Variants in CACNA1F observed in about 807,000 individuals in gnomAD.
The protein encoded by CACNA1F is voltage-dependent L-type calcium channel subunit alpha-1F.
CACNA1F carries 59 observed loss-of-function variants against 143.8 expected under a neutral mutation model. That is an observed-to-expected ratio of 0.41 (90% CI 0.33 to 0.51). CACNA1F has a LOEUF of 0.51. Among genes scored for constraint, CACNA1F ranks in the 20% least tolerant of loss-of-function variants. The pLI is 0.22. For synonymous variants in CACNA1F, 643 were observed against 649.1 expected, an observed-to-expected ratio of 0.99 and a Z score of 0.14; for missense variants, 1,411 against 1,647.5, an observed-to-expected ratio of 0.86 and a Z score of 2.48.
chrX:49,220,928 G>A (rs1602642854), intron 18 of CACNA1F, 107 bp downstream of exon 18: 1 of 697,208 alleles, frequency 1.4e-6, no homozygotes, highest in Non-Finnish European at 2.3e-6. Context: ...GACAGAGTGA[G>A]ACTCTATCTC....
chrX:49,207,835 T>C (rs185670153), intron 43 of CACNA1F, among the ~76,000 whole-genome samples: 1 of 110,346 alleles, frequency 9.1e-6, no homozygotes, highest in African/African-American at 3.3e-5. Context: ...ATCCTTTCTT[T>C]ATCCCTGTGA....
In CACNA1F at chrX:49,210,002, G is replaced by T; in HGVS notation, c.4629C>A (p.Ile1543=). The T allele has an allele frequency of 8.3e-7, 1 of 1,210,499 alleles. No homozygotes were observed. Among genetic ancestry groups the T allele is most frequent in the Non-Finnish European group, 1.1e-6 (1 of 894,264 alleles). ...GTTTCATCCGCTTCCAGATCTTTTT[G>T]ATGACAATCCGCAGCTCCTGGTTGG... The part of the protein sequence containing the change: ...EQANQELRIV[I]KKIWKRMKQK... Residue 1543 remains isoleucine, a synonymous_variant, in exon 40 of 48, where the codon ATC becomes ATA. Transcript: ENST00000323022.
chrX:49,208,541 C>T lies in CACNA1F; in HGVS notation c.5097G>A (p.Val1699=). The change falls in exon 43 of 48, where the codon GTG becomes GTA. Residue 1699 remains valine, a synonymous_variant. Coordinates refer to ENST00000323022, the MANE Select transcript of CACNA1F (RefSeq NM_001256789.3). Reference sequence around the variant, plus strand: ...TGTGGGTGTTGGATCCAGCCTGGGGCACACTGGGCTGACTGGAGGTGGGAG... The same window carrying T: ...TGTGGGTGTTGGATCCAGCCTGGGGTACACTGGGCTGACTGGAGGTGGGAG... ...RGTPTSSQPS[V]PQAGSNTHRR... The T allele has an allele frequency of 8.3e-7, 1 of 1,209,178 alleles. No individual in the cohort carries two copies. Among genetic ancestry groups the T allele is most frequent in the South Asian group, 1.8e-5 (1 of 56,645 alleles).
intron 37 of CACNA1F, 127 bp from the exon 38 acceptor site, chrX:49,210,813 C>A (rs1015339259): frequency 1.8e-4 from 149 of 841,442 alleles, no homozygotes; most frequent in Non-Finnish European, 2.5e-4. Context: ...AACTGGAGGG[C>A]AGTCAGAGAG....
Position 49,210,581 on chromosome X carries a change from T to G in CACNA1F, c.4485+9A>C. ...TCTCAGGAGCCTGGGGGTGGGCAGG[T>G]GCACAGACCTTGCAGGCCACTCGGT... is the stretch of plus-strand genomic sequence containing the variant. On this transcript the variant is annotated intron_variant, in intron 38 of 47. Transcript: ENST00000323022. 1 of 1,199,264 alleles carries G rather than the reference T, an allele frequency of 8.3e-7. No homozygotes were observed. The highest frequency in any genetic ancestry group is 1.1e-6 in the Non-Finnish European group (1 of 884,909).
At chrX:49,210,480 C>T (rs1156620171) in intron 38 of CACNA1F, 77 bp from the exon 39 acceptor site, 4 of 1,016,801 alleles carry the variant, frequency 3.9e-6, no homozygotes, top group African/African-American at 3.7e-5. Flanking sequence ...GGGCAGAAAC[C>T]TCTGAGGATG....
At chrX:49,228,547 ATT>A in intron 6 of CACNA1F, 100 bp from the exon 7 acceptor site, 1 of 636,578 alleles carries the variant, frequency 1.6e-6, no homozygotes, top group Non-Finnish European at 2.5e-6. Flanking sequence ...TGGGTCCTAG[ATT>A]TTTCTCTTTC....
At position 49,208,632 on chromosome X, in the gene CACNA1F, GAC is replaced by G. The variant is rs1557105474; in HGVS notation, c.5004_5005del (p.Leu1670AlafsTer16). ...TGGAAGTCTGTCCCCGACAGGCAGA[GAC>G]ACAGAAATCCCGGAGCCCCGGCGAG... On this transcript the variant is annotated frameshift_variant, in exon 43 of 48. Transcript: ENST00000323022. LOFTEE classifies it high-confidence loss of function. 5.0e-6 allele frequency: 6 copies of G among 1,208,987 alleles called. No individual in the cohort carries two copies. In the Admixed American group the frequency reaches 8.8e-5, roughly 18 times the overall value.
At position 49,210,306 on chromosome X, in the gene CACNA1F, G is replaced by A. The variant is rs1557105880; in HGVS notation, c.4583C>T (p.Thr1528Ile). The stretch of plus-strand genomic sequence containing the variant: ...CTCCTGCCCCTCCCCTACACCTTCT[G>A]TTTTGATCTTCAGGGATGTCCGGAC... ...ALVRTSLKIK[T>I]EGNLEQANQE... The change falls in exon 39 of 48, where the codon ACA (threonine) becomes ATA (isoleucine). Residue 1528 changes from threonine to isoleucine, a missense_variant. Physicochemically the swap from Thr to Ile is moderately conservative, Grantham distance 89 (BLOSUM62 -1). This residue lies in a region of CACNA1F where 112 missense variants were observed against 169.2 expected (regional missense o/e 0.66). Coordinates refer to ENST00000323022, the MANE Select transcript of CACNA1F (RefSeq NM_001256789.3). The A allele has an allele frequency of 8.4e-7, 1 of 1,196,747 alleles. No individual in the cohort carries two copies. Among genetic ancestry groups the A allele is most frequent in the Non-Finnish European group, 1.1e-6 (1 of 881,815 alleles).
At chrX:49,223,863 C>G (rs986074569) in intron 14 of CACNA1F, among the ~76,000 whole-genome samples, 1 of 107,634 alleles carries the variant, frequency 9.3e-6, no homozygotes, top group Non-Finnish European at 1.9e-5. Flanking sequence ...TCCCGAGTAG[C>G]TGGGACTACA....
rs782062815 is a variant in CACNA1F at position 49,227,873 on chromosome X, C to T, written c.1118+163G>A. ...AAACCAGGAAGGCAGAGATTTTTGT[C>T]TTTTGTTCCACTCCTAAAATGGTGC... is the stretch of plus-strand genomic sequence containing the variant. On this transcript the variant is annotated intron_variant, in intron 8 of 47. Transcript: ENST00000323022. Among the ~76,000 whole-genome samples, 8 of 112,158 alleles carry T rather than the reference C, an allele frequency of 7.1e-5. No individual in the cohort carries two copies. The South Asian group carries it at 3.0e-3, about 42-fold the overall frequency.
chrX:49,223,910 T>G (rs1557109330), intron 14 of CACNA1F, among the ~76,000 whole-genome samples: 1 of 109,524 alleles, frequency 9.1e-6, no homozygotes, highest in Non-Finnish European at 1.9e-5. Flanking sequence ...TTTTTTGTAT[T>G]TTTAGTAGAG....
intron 1 of CACNA1F, among the ~76,000 whole-genome samples, chrX:49,232,662 G>A (rs2065888786): frequency 8.9e-6 from 1 of 111,896 alleles, no homozygotes. Flanking sequence ...CTGGCACATA[G>A]AGTTATTCCC....
At chrX:49,216,575 T>G (rs782100526) in intron 26 of CACNA1F, 47 bp from the exon 27 acceptor site, 3 of 1,136,209 alleles carry the variant, frequency 2.6e-6, no homozygotes, top group Non-Finnish European at 1.2e-6. Context: ...GGTGAGGAAC[T>G]GGGGAAAGGG....
chrX:49,218,399 G>T, intron 24 of CACNA1F, 56 bp downstream of exon 24: 1 of 977,260 alleles, frequency 1.0e-6, no homozygotes, highest in East Asian at 3.3e-5. Context: ...CAGTGATCCT[G>T]GCCCCAGGGG....
chrX:49,219,152 C>G (rs900920586), intron 21 of CACNA1F, among the ~76,000 whole-genome samples, 169 bp downstream of exon 21: 1 of 111,654 alleles, frequency 9.0e-6, no homozygotes, highest in Non-Finnish European at 1.9e-5. Context: ...GGTGCTTCCC[C>G]GTGTGTTGCA....
intron 40 of CACNA1F, 84 bp from the exon 41 acceptor site, chrX:49,209,843 A>G: frequency 8.6e-7 from 1 of 1,158,246 alleles, no homozygotes; most frequent in Non-Finnish European, 1.2e-6. Flanking sequence ...ACCAGCATGG[A>G]CTTCCCCTCG....
chrX:49,214,365 A>G (rs2065690263), intron 29 of CACNA1F, 96 bp from the exon 30 acceptor site: 2 of 548,536 alleles, frequency 3.6e-6, no homozygotes, highest in Non-Finnish European at 6.5e-6. Context: ...GAGTCTGGGG[A>G]CTTGATTGCA....
At position 49,216,235 on chromosome X, in the gene CACNA1F, C is replaced by T. The variant is rs2065714002; in HGVS notation, c.3236+147G>A. On this transcript the variant is annotated intron_variant, in intron 27 of 47. Transcript: ENST00000323022. ...CACCTCTACAGTCCTCTGATACACC[C>T]ACCACTCTCCAGAAAACCCTATCCA... The T allele has an allele frequency of 6.6e-6, 4 of 603,060 alleles. No homozygotes were observed. In the Admixed American group the frequency reaches 8.3e-5, roughly 13 times the overall value. 49.7% of individuals were successfully genotyped at this position (603,060 alleles called of 1,213,427 possible). A position where few individuals can be genotyped will look rare whatever the true frequency, so the allele number is the denominator to read the frequency against.
Sources: allele counts gnomAD v4.1 joint callset (sites outside exome capture counted in the v4.1 genomes callset), GRCh38; gene constraint gnomAD v4.1.1; regional missense constraint gnomAD v4.1.1; transcripts MANE v1.5; gene names NCBI Gene and HGNC (gene_info 2026-07-23, HGNC 2026-07-21).